The following NOX4 variants were observed in gnomAD, a reference collection of about 807,000 sequenced individuals.
The protein encoded by NOX4 is kidney oxidase-1.
NOX4 carries 69 observed loss-of-function variants against 87.6 expected under a neutral mutation model. The ratio of observed to expected loss-of-function variants is 0.79; its 90% confidence interval spans 0.65 to 0.96. The LOEUF (loss-of-function observed/expected upper bound fraction) is 0.96, where lower values mean the gene tolerates loss of function less well. NOX4 is among the 40% of genes least tolerant of loss of function. The probability of loss-of-function intolerance (pLI) is 0.00; values close to 1 mark genes in which losing one functional copy is unlikely to be tolerated. For synonymous variants in NOX4, 275 were observed against 238.2 expected (o/e 1.15, Z -1.42); for missense variants, 680 against 681.5 (o/e 1.00, Z 0.02).
chr11:89,477,308 T>G (rs1180282720), intron 2 of NOX4, among the ~76,000 whole-genome samples: 1 of 152,016 alleles, frequency 6.6e-6, no homozygotes, highest in Non-Finnish European at 1.5e-5. Flanking sequence ...CCTGCGCAGT[T>G]CACAATAAGG....
In NOX4 at chr11:89,490,477, T is replaced by C; in HGVS notation, c.134A>G (p.Tyr45Cys). 6.2e-7 allele frequency: 1 copy of C among 1,612,942 alleles called. No individual in the cohort carries two copies. Residue 45 changes from tyrosine (Y) to cysteine (C), a missense_variant, in exon 2 of 18, where the codon TAC becomes TGC. Physicochemically the swap from Tyr to Cys is radical, Grantham distance 194. Transcript: ENST00000263317. The stretch of plus-strand genomic sequence containing the variant: ...ACTTACCCCCAACATCTGGTGGAGG[T>C]AGTGATACTCTGGCCCTTGGTTATA... ...LLYNQGPEYHYLHQMLGLGLC... is the reference protein window; with the variant it reads ...LLYNQGPEYHCLHQMLGLGLC...
At chr11:89,566,019 T>A in the NOX4 span, among the ~76,000 whole-genome samples, 1 of 151,442 alleles carries the variant, frequency 6.6e-6, no homozygotes, top group African/African-American at 2.4e-5. Flanking sequence ...TAAATGAAAT[T>A]AACTTATTAC....
intron 2 of NOX4, among the ~76,000 whole-genome samples, chr11:89,456,979 C>T (rs1162690210): frequency 6.6e-6 from 1 of 152,150 alleles, no homozygotes; most frequent in African/African-American, 2.4e-5. Flanking sequence ...TACAGCCTGG[C>T]TATATGTACC....
At chr11:89,331,692 C>G (rs1381219809) in intron 17 of NOX4, among the ~76,000 whole-genome samples, 1 of 151,010 alleles carries the variant, frequency 6.6e-6, no homozygotes, top group African/African-American at 2.4e-5. Flanking sequence ...TCCTAAAGGC[C>G]CTTGTTAAAT....
chr11:89,568,217 A>G, the NOX4 span, among the ~76,000 whole-genome samples: 3 of 152,198 alleles, frequency 2.0e-5, no homozygotes, highest in African/African-American at 7.2e-5. Context: ...CCGGAAAACT[A>G]GCAGAAGAAA....
intron 12 of NOX4, among the ~76,000 whole-genome samples, chr11:89,371,153 T>G (rs1939413065): frequency 6.6e-6 from 1 of 152,008 alleles, no homozygotes; most frequent in Non-Finnish European, 1.5e-5. Context: ...CCTTCAATAG[T>G]TGTAATCTCA....
In NOX4 at chr11:89,451,913, G is replaced by A. The variant is rs1348741096; in HGVS notation, c.154-18C>T. ...AATCCTAGCTGAACAAATAAGGCAA[G>A]GTCAGCACACAGTTAAGGACAGTAG... is the stretch of plus-strand genomic sequence containing the variant. On this transcript the variant is annotated intron_variant, in intron 2 of 17. Transcript: ENST00000263317. The A allele has an allele frequency of 6.5e-7, 1 of 1,549,978 alleles. No homozygotes were observed. Among genetic ancestry groups the A allele is most frequent in the Non-Finnish European group, 8.9e-7 (1 of 1,122,330 alleles).
chr11:89,434,533 A>G (rs893216805), intron 6 of NOX4, among the ~76,000 whole-genome samples: 2 of 152,060 alleles, frequency 1.3e-5, no homozygotes, highest in African/African-American at 4.8e-5. Context: ...ACTCTAAAGA[A>G]CTAGCAGCAT....
At chr11:89,421,106 GCACCTGA>G (rs2135261190) in intron 8 of NOX4, among the ~76,000 whole-genome samples, 1 of 152,230 alleles carries the variant, frequency 6.6e-6, no homozygotes, top group South Asian at 2.1e-4. Flanking sequence ...TACTTAATAA[GCACCTGA>G]CATTATCCTG....
At chr11:89,394,426 C>T (rs1941335736) in intron 11 of NOX4, among the ~76,000 whole-genome samples, 1 of 151,882 alleles carries the variant, frequency 6.6e-6, no homozygotes, top group African/African-American at 2.4e-5. Context: ...TTCCATATTT[C>T]CTATTTAATG....
chr11:89,483,129 C>T (rs1946460109), intron 2 of NOX4, among the ~76,000 whole-genome samples: 1 of 152,018 alleles, frequency 6.6e-6, no homozygotes, highest in East Asian at 1.9e-4. Flanking sequence ...ACTGTTGTTA[C>T]AAGGATTCAA....
chr11:89,385,670 C>T (rs528563268), intron 11 of NOX4, among the ~76,000 whole-genome samples: 1 of 152,290 alleles, frequency 6.6e-6, no homozygotes, highest in Non-Finnish European at 1.5e-5. Flanking sequence ...TGCTATTCCA[C>T]TACTCCTCAG....
chr11:89,378,685 ACCT>A (rs1409020528), intron 11 of NOX4, among the ~76,000 whole-genome samples: 3 of 152,102 alleles, frequency 2.0e-5, no homozygotes, highest in African/African-American at 7.2e-5. Context: ...GGGAGAATTA[ACCT>A]CCTATAAAAA....
intron 13 of NOX4, among the ~76,000 whole-genome samples, chr11:89,348,813 C>T (rs1946326445): frequency 6.6e-6 from 1 of 151,892 alleles, no homozygotes; most frequent in African/African-American, 2.4e-5. Context: ...GGATTGGAGA[C>T]CCAGCTCTGC....
chr11:89,554,682 A>G, the NOX4 span, among the ~76,000 whole-genome samples: 1 of 152,096 alleles, frequency 6.6e-6, no homozygotes, highest in South Asian at 2.1e-4. Flanking sequence ...TAAATCTATG[A>G]CCCTCAGTTG....
At chr11:89,432,019 C>G (rs964685903) in intron 7 of NOX4, among the ~76,000 whole-genome samples, 3 of 152,022 alleles carry the variant, frequency 2.0e-5, no homozygotes, top group African/African-American at 7.2e-5. Context: ...TACTATGCAG[C>G]CATAAAAAAG....
chr11:89,356,744 G>C (rs1938090897), intron 12 of NOX4, among the ~76,000 whole-genome samples: 1 of 151,912 alleles, frequency 6.6e-6, no homozygotes, highest in Non-Finnish European at 1.5e-5. Context: ...TAGTAGATGA[G>C]TATTGTGCCA....
chr11:89,562,965 T>C, the NOX4 span, among the ~76,000 whole-genome samples: 125 of 152,258 alleles, frequency 8.2e-4, 2 homozygotes, highest in East Asian at 0.013. Context: ...TGAGATCTGA[T>C]GGTTTGAAAG....
intron 8 of NOX4, among the ~76,000 whole-genome samples, chr11:89,413,050 C>T (rs1433725847): frequency 3.3e-5 from 5 of 151,952 alleles, no homozygotes; most frequent in African/African-American, 1.2e-4. Flanking sequence ...AAAAGACATA[C>T]AAATAGCAAA....
Sources: gnomAD v4.1 joint callset for allele counts (sites outside exome capture counted in the v4.1 genomes callset) on GRCh38, gnomAD v4.1.1 for gene constraint, MANE v1.5 for transcripts, NCBI Gene and HGNC (gene_info 2026-07-23, HGNC 2026-07-21) for gene names.